The following PARP4 variants were observed in gnomAD, a reference collection of about 807,000 sequenced individuals.
PARP4 encodes the protein poly(ADP-ribose) polymerase family member 4, also known as protein mono-ADP-ribosyltransferase PARP4.
A neutral mutation model predicts 187.7 loss-of-function variants in PARP4; 120 were observed. The ratio of observed to expected loss-of-function variants is 0.64; its 90% CI spans 0.55 to 0.74. The LOEUF (loss-of-function observed/expected upper bound fraction) is 0.74, where lower values mean the gene tolerates loss of function less well. Among genes scored for constraint, PARP4 ranks in the 30% least tolerant of loss-of-function variants. The pLI is 0.00. For missense variants in PARP4, 1,836 were observed against 2,070.5 expected (o/e 0.89, Z 2.20); for synonymous variants, 654 against 740.9 (o/e 0.88, Z 1.90).
At chr13:24,438,140 C>T (rs1194701026) in intron 30 of PARP4, among the ~76,000 whole-genome samples, 1 of 152,206 alleles carries the variant, frequency 6.6e-6, no homozygotes, top group Non-Finnish European at 1.5e-5. Flanking sequence ...TTTGCTTAAC[C>T]ACATACTCAC....
In PARP4 at chr13:24,468,696, G is replaced by A. The variant is rs375099772; in HGVS notation, c.2133+328C>T. On this transcript the variant is annotated intron_variant, in intron 17 of 33. Coordinates refer to ENST00000381989, the MANE Select transcript of PARP4 (RefSeq NM_006437.4). ...TGGGATTACAGGCATAAGTCATTGC[G>A]CCCAGCCAGTATATCACACTCTTAT... Among the ~76,000 whole-genome samples the A allele has an allele frequency of 2.2e-4, 33 of 152,224 alleles. 1 individual carries two copies. The highest frequency in any genetic ancestry group is 5.9e-4 in the Admixed American group (9 of 15,290).
chr13:24,449,192 T>A (rs1459893720), intron 25 of PARP4, among the ~76,000 whole-genome samples: 1 of 151,994 alleles, frequency 6.6e-6, no homozygotes, highest in African/African-American at 2.4e-5. Context: ...ATCAAGACCA[T>A]CCTGGCTAAC....
intron 1 of PARP4, among the ~76,000 whole-genome samples, chr13:24,508,961 A>C (rs1396218490): frequency 6.6e-6 from 1 of 152,218 alleles, no homozygotes; most frequent in Non-Finnish European, 1.5e-5. Flanking sequence ...TTATTGTTGG[A>C]AAATTAAATC....
At chr13:24,485,261 A>C (rs538226939) in intron 11 of PARP4, among the ~76,000 whole-genome samples, 1 of 152,192 alleles carries the variant, frequency 6.6e-6, no homozygotes, top group South Asian at 2.1e-4. Flanking sequence ...TTTTGGGTTC[A>C]TTTGTGTTTA....
At chr13:24,446,849 T>C in intron 26 of PARP4, 88 bp from the exon 27 acceptor site, 1 of 1,357,452 alleles carries the variant, frequency 7.4e-7, no homozygotes, top group Non-Finnish European at 1.0e-6. Flanking sequence ...TGATTTTCTC[T>C]CCCCTTTCAA....
intron 32 of PARP4, among the ~76,000 whole-genome samples, chr13:24,428,909 AT>A (rs1870193863): frequency 6.6e-6 from 1 of 152,024 alleles, no homozygotes; most frequent in Non-Finnish European, 1.5e-5. Context: ...ATGTTCAAAT[AT>A]TTTTCTATCT....
intron 17 of PARP4, among the ~76,000 whole-genome samples, chr13:24,467,643 T>A (rs1419387707): frequency 6.6e-6 from 1 of 152,214 alleles, no homozygotes; most frequent in African/African-American, 2.4e-5. Context: ...CCATATATTA[T>A]GATATGAGAA....
intron 17 of PARP4, among the ~76,000 whole-genome samples, chr13:24,462,177 A>G (rs1872242886): frequency 1.3e-5 from 2 of 152,192 alleles, no homozygotes; most frequent in African/African-American, 4.8e-5. Context: ...ATCAAGCAAC[A>G]GCAGCCTAGC....
Position 24,452,583 on chromosome 13 carries a change from G to C in PARP4, c.2837C>G (p.Pro946Arg). The C allele has an allele frequency of 6.2e-7, 1 of 1,612,004 alleles. No homozygotes were observed. The highest frequency in any genetic ancestry group is 8.5e-7 in the Non-Finnish European group (1 of 1,178,858). ...MAAEFIMSAT[P>R]TMGNTDFWKT... Reference sequence around the variant, plus strand: ...CCAGAAGTCTGTGTTCCCCATGGTAGGTGTGGCAGACTGGAGGAAATGAAG... The same window carrying C: ...CCAGAAGTCTGTGTTCCCCATGGTACGTGTGGCAGACTGGAGGAAATGAAG... The change falls in exon 24 of 34, where the codon CCT becomes CGT. Residue 946 changes from proline (P) to arginine (R), a missense_variant. Around this residue, in one of 8 missense-constraint regions of PARP4, gnomAD observed 1,147 missense variants for 1,214.2 expected, o/e 0.94. Coordinates refer to ENST00000381989, the MANE Select transcript of PARP4 (RefSeq NM_006437.4).
chr13:24,500,566 CTCTAAT>C (rs1869218396), intron 3 of PARP4, among the ~76,000 whole-genome samples, 184 bp from the exon 4 acceptor site: 3 of 141,714 alleles, frequency 2.1e-5, no homozygotes, highest in East Asian at 3.9e-4. Flanking sequence ...GGAGAACATA[CTCTAAT>C]TCTATTTTAA....
chr13:24,484,322 CCA>C (rs1241109093), intron 12 of PARP4, among the ~76,000 whole-genome samples: 1 of 152,112 alleles, frequency 6.6e-6, no homozygotes, highest in East Asian at 1.9e-4. Context: ...TCTATTAGCG[CCA>C]CCATGCACGG....
At position 24,434,443 on chromosome 13, in the gene PARP4, G is replaced by C; in HGVS notation, c.4698C>G (p.His1566Gln). 2 of 1,597,726 alleles carry C rather than the reference G, an allele frequency of 1.3e-6. No individual in the cohort carries two copies. Among genetic ancestry groups the C allele is most frequent in the Non-Finnish European group, 1.7e-6 (2 of 1,169,180 alleles). The part of the protein sequence containing the change: ...KEEDEIVCIQ[H>Q]WQDAVPWTEL... ...CTGTCCAAGGCACAGCATCCTGCCA[G>C]TGTTGTATGCACACTATTTCATCCT... The change falls in exon 31 of 34, where the codon CAC (histidine) becomes CAG (glutamine). Residue 1566 changes from histidine to glutamine, a missense_variant. His to Gln is a conservative substitution (Grantham distance 24). Coordinates refer to ENST00000381989, the MANE Select transcript of PARP4 (RefSeq NM_006437.4).
intron 11 of PARP4, 118 bp from the exon 12 acceptor site, chr13:24,484,866 G>A (rs1860151321): frequency 1.6e-6 from 1 of 619,050 alleles, no homozygotes; most frequent in African/African-American, 1.8e-5. Flanking sequence ...TGCAATCAGG[G>A]TGAAGCCATG....
intron 10 of PARP4, among the ~76,000 whole-genome samples, chr13:24,488,781 T>C (rs7331672): frequency 0.098 from 14,916 of 152,228 alleles, 800 homozygotes; most frequent in Non-Finnish European, 0.12. Flanking sequence ...CCAAAATTTT[T>C]ATTTGCCCAA....
Position 24,477,816 on chromosome 13 carries a change from C to T in PARP4, c.1674G>A (p.Met558Ile). 1 of 1,575,578 alleles carries T rather than the reference C, an allele frequency of 6.3e-7. No homozygotes were observed. Among genetic ancestry groups the T allele is most frequent in the Non-Finnish European group, 8.7e-7 (1 of 1,155,660 alleles). Residue 558 changes from methionine (M) to isoleucine (I), a missense_variant, in exon 14 of 34, where the codon ATG becomes ATA. Physicochemically the swap from Met to Ile is conservative, Grantham distance 10. Around this residue, in one of 8 missense-constraint regions of PARP4, gnomAD observed 1,147 missense variants for 1,214.2 expected, o/e 0.94. Transcript: ENST00000381989. ...GCATGGAAAATTTAATAATATATTT[C>T]ATTTTAACCTGATTGGTTTTATAGA... ...FVVYKTNQVK[M>I]KYIIKFSMPG...
At chr13:24,500,527 A>AAAGAAGAAGGTATATTGT in intron 3 of PARP4, 145 bp from the exon 4 acceptor site, 2 of 461,974 alleles carry the variant, frequency 4.3e-6, no homozygotes, top group Non-Finnish European at 7.8e-6. Context: ...CCCAGTGGGA[A>AAAGAAGAAGGTATATTGT]AAGAGGAAGG....
chr13:24,480,870 T>C (rs1232079319), intron 12 of PARP4, among the ~76,000 whole-genome samples: 2 of 152,210 alleles, frequency 1.3e-5, no homozygotes, highest in African/African-American at 2.4e-5. Context: ...CTCCAGAAGA[T>C]CTAGCTAAGA....
intron 17 of PARP4, among the ~76,000 whole-genome samples, chr13:24,465,158 G>A (rs1872394938): frequency 6.6e-6 from 1 of 152,144 alleles, no homozygotes; most frequent in Non-Finnish European, 1.5e-5. Flanking sequence ...GCAAGGCTGT[G>A]GAGAAATAGG....
intron 1 of PARP4, among the ~76,000 whole-genome samples, chr13:24,505,439 C>T (rs888533758): frequency 2.0e-5 from 3 of 152,066 alleles, no homozygotes; most frequent in Admixed American, 6.5e-5. Flanking sequence ...CATGGTGTTC[C>T]TTGGACGTTT....
Sources: gnomAD v4.1 joint callset for allele counts (sites outside exome capture counted in the v4.1 genomes callset) on GRCh38, gnomAD v4.1.1 for gene constraint, gnomAD v4.1.1 regional missense constraint, MANE v1.5 for transcripts, NCBI Gene and HGNC (gene_info 2026-07-23, HGNC 2026-07-21) for gene names.